ACACB: variants seen among roughly 807,000 people sequenced by gnomAD.
ACACB encodes acetyl-CoA carboxylase beta.
ACACB carries 209 observed loss-of-function variants against 278.8 expected under a neutral mutation model. The ratio of observed to expected loss-of-function variants is 0.75; its 90% CI spans 0.67 to 0.84. The LOEUF (loss-of-function observed/expected upper bound fraction) is 0.84. Ranked by LOEUF, ACACB falls within the 40% of genes least tolerant of loss-of-function variation. ACACB has a pLI of 0.00. For missense variants in ACACB, 2,850 were observed against 3,269.0 expected (o/e 0.87, Z 3.13); for synonymous variants, 1,174 against 1,285.6 (o/e 0.91, Z 1.86).
chr12:109,249,883 T>C, intron 40 of ACACB, 101 bp from the exon 41 acceptor site: 4 of 1,443,972 alleles, frequency 2.8e-6, no homozygotes, highest in Non-Finnish European at 3.7e-6. Flanking sequence ...CTGCTTCCAA[T>C]CTCTCACCTT....
chr12:109,117,037 A>C (rs1257817392), intron 1 of ACACB, among the ~76,000 whole-genome samples: 1 of 148,028 alleles, frequency 6.8e-6, no homozygotes, highest in Non-Finnish European at 1.5e-5. Flanking sequence ...TGTTTCCTCA[A>C]ATGGTTGTTC....
In ACACB at chr12:109,211,945, C is replaced by T. The variant is rs538642691; in HGVS notation, c.3250-891C>T. Among the ~76,000 whole-genome samples the T allele has an allele frequency of 9.9e-5, 15 of 152,210 alleles. No individual in the cohort carries two copies. In the East Asian group the frequency reaches 2.7e-3, roughly 27 times the overall value. On this transcript the variant is annotated intron_variant, in intron 21 of 52. Coordinates refer to ENST00000338432, the MANE Select transcript of ACACB (RefSeq NM_001093.4). The stretch of plus-strand genomic sequence containing the variant: ...TATTTTTGATGCCAAAGGCAATACA[C>T]CGATAACATTATGTGTAATGATAAA...
upstream of ACACB, among the ~76,000 whole-genome samples, chr12:109,116,000 T>A (rs760787052): frequency 2.6e-5 from 4 of 152,236 alleles, no homozygotes; most frequent in Non-Finnish European, 4.4e-5. Context: ...ATGCCAGCCC[T>A]CCCCACGTTG....
intron 13 of ACACB, among the ~76,000 whole-genome samples, chr12:109,188,764 T>G (rs1382131006): frequency 1.3e-5 from 2 of 152,174 alleles, no homozygotes; most frequent in Non-Finnish European, 2.9e-5. Flanking sequence ...TCATTTGGTC[T>G]TGAGCTTATA....
At chr12:109,129,757 G>T (rs780554517) in intron 1 of ACACB, among the ~76,000 whole-genome samples, 1 of 152,248 alleles carries the variant, frequency 6.6e-6, no homozygotes, top group Admixed American at 6.5e-5. Context: ...TGTCCTTGAT[G>T]GGGGGATCTG....
At position 109,246,428 on chromosome 12, in the gene ACACB, G is replaced by T; in HGVS notation, c.5551G>T (p.Asp1851Tyr). Residue 1851 changes from aspartate (D) to tyrosine (Y), a missense_variant, in exon 39 of 53, where the codon GAC becomes TAC. This residue lies in a region of ACACB where 2,265 missense variants were observed against 2,561.3 expected (regional missense o/e 0.88). Transcript: ENST00000338432. ...ACACATGTTCCACGTGGCTTGGGTG[G>T]ACCCAGAAGACCCCCACAAAGTACG... Reference protein sequence around the residue: ...IKHMFHVAWVDPEDPHKGFKY... With the variant: ...IKHMFHVAWVYPEDPHKGFKY... The T allele has an allele frequency of 6.2e-7, 1 of 1,611,370 alleles. No homozygotes were observed.
chr12:109,226,808 T>C (rs1164140281), intron 27 of ACACB, among the ~76,000 whole-genome samples: 1 of 151,964 alleles, frequency 6.6e-6, no homozygotes, highest in Non-Finnish European at 1.5e-5. Context: ...GCCAAGATGA[T>C]ATGTCCCACA....
chr12:109,134,552 A>G (rs1006423180), intron 1 of ACACB, among the ~76,000 whole-genome samples: 1 of 152,206 alleles, frequency 6.6e-6, no homozygotes, highest in Non-Finnish European at 1.5e-5. Flanking sequence ...CAGCTGTTTC[A>G]GGACTCGGAC....
Position 109,139,452 on chromosome 12 carries a change from C to T in ACACB, c.47C>T (p.Thr16Ile). The T allele has an allele frequency of 1.2e-6, 2 of 1,614,170 alleles. No homozygotes were observed. Among genetic ancestry groups the T allele is most frequent in the Non-Finnish European group, 1.7e-6 (2 of 1,180,034 alleles). The part of the protein sequence containing the change: ...CLSCLIFSCL[T>I]FSWLKIWGKM... ...TCTTGTCTGATTTTCTCCTGTCTGACCTTTTCCTGGTTAAAAATCTGGGGG... is the reference window on the plus strand; with the variant it reads ...TCTTGTCTGATTTTCTCCTGTCTGATCTTTTCCTGGTTAAAAATCTGGGGG... The change falls in exon 2 of 53, where the codon ACC becomes ATC. Residue 16 changes from threonine to isoleucine, a missense_variant. Thr to Ile is a moderately conservative substitution (Grantham distance 89, BLOSUM62 -1). Transcript: ENST00000338432.
At chr12:109,154,652 A>G (rs1014322560) in intron 2 of ACACB, 19 of 152,278 alleles carry the variant, frequency 1.2e-4, no homozygotes, top group African/African-American at 4.3e-4. Context: ...GGCGGGCGCG[A>G]TGGCCCGGGA....
At chr12:109,213,722 C>T (rs925800854) in intron 22 of ACACB, among the ~76,000 whole-genome samples, 14 of 152,176 alleles carry the variant, frequency 9.2e-5, no homozygotes, top group African/African-American at 2.2e-4. Flanking sequence ...CTCAGCCTCC[C>T]GAGTAGCTGG....
rs2044629171 is a variant in ACACB at position 109,185,620 on chromosome 12, G to T, written c.1860G>T (p.Arg620=). The T allele has an allele frequency of 2.5e-6, 4 of 1,613,904 alleles. No individual in the cohort carries two copies. The South Asian group carries it at 3.3e-5, about 13-fold the overall frequency. Residue 620 remains arginine, a synonymous_variant, in exon 12 of 53, where the codon CGG becomes CGT. Coordinates refer to ENST00000338432, the MANE Select transcript of ACACB (RefSeq NM_001093.4). ...GVPLHRLKDI[R]LLYGESPWGV... is the part of the protein sequence containing the mutation. ...CACTGCACCGGCTGAAGGATATCCG[G>T]CTTCTGTATGGAGAGTCACCATGGG... is the stretch of plus-strand genomic sequence containing the variant.
intron 2 of ACACB, among the ~76,000 whole-genome samples, chr12:109,145,965 C>T (rs527999779): frequency 4.1e-4 from 63 of 152,160 alleles, no homozygotes; most frequent in African/African-American, 1.3e-3. Flanking sequence ...GCCAAGACCA[C>T]GCCACTGCAC....
intron 36 of ACACB, among the ~76,000 whole-genome samples, 192 bp downstream of exon 36, chr12:109,241,473 A>G (rs1565962391): frequency 1.3e-5 from 2 of 152,210 alleles, no homozygotes; most frequent in African/African-American, 2.4e-5. Context: ...TCACTCACCT[A>G]AAAAGGAGAG....
chr12:109,248,919 G>A (rs1250980902), intron 40 of ACACB: 1 of 152,170 alleles, frequency 6.6e-6, no homozygotes, highest in Non-Finnish European at 1.5e-5. Context: ...TTGTGAATGG[G>A]TTTCCTCTGT....
intron 16 of ACACB, among the ~76,000 whole-genome samples, chr12:109,194,512 A>ATGTGTGTGTG (rs370227666): frequency 0.037 from 3,306 of 88,500 alleles, 90 homozygotes; most frequent in South Asian, 0.072. Flanking sequence ...CTGTGTGTGC[A>ATGTGTGTGTG]TGTGTGTGTG....
Position 109,265,292 on chromosome 12 carries a change from G to T in ACACB, c.7113+12G>T, listed in dbSNP as rs746128109. 13 of 1,612,272 alleles carry T rather than the reference G, an allele frequency of 8.1e-6. No individual in the cohort carries two copies. The highest frequency in any genetic ancestry group is 7.7e-5 in the South Asian group (7 of 91,010). On this transcript the variant is annotated intron_variant, in intron 51 of 52. Coordinates refer to ENST00000338432, the MANE Select transcript of ACACB (RefSeq NM_001093.4). ...AGGGGGCTGTCAAGGTGGGCCTGGG[G>T]TGAGAACGAGGCCGGTGAGCACAGG...
intron 2 of ACACB, among the ~76,000 whole-genome samples, chr12:109,163,009 C>T (rs111570492): frequency 0.054 from 8,247 of 152,186 alleles, 273 homozygotes; most frequent in Non-Finnish European, 0.072. Flanking sequence ...CTGCAACCTC[C>T]GCCTCTCAGG....
In ACACB at chr12:109,262,415, A is replaced by G; in HGVS notation, c.6733A>G (p.Ile2245Val). 6.2e-7 allele frequency: 1 copy of G among 1,613,910 alleles called. No individual in the cohort carries two copies. The highest frequency in any genetic ancestry group is 8.5e-7 in the Non-Finnish European group (1 of 1,179,934). Residue 2245 changes from isoleucine (I) to valine (V), a missense_variant, in exon 49 of 53, where the codon ATA (isoleucine) becomes GTA (valine). By Grantham distance (29) the Ile-to-Val change is conservative. Around this residue, in one of 3 missense-constraint regions of ACACB, gnomAD observed 579 missense variants for 684.6 expected, o/e 0.85. Coordinates refer to ENST00000338432, the MANE Select transcript of ACACB (RefSeq NM_001093.4). ...VEIKFRKKDL[I>V]KSMRRIDPAY... ...GATTAAGTTCCGAAAGAAAGATCTG[A>G]TAAAGTCCATGAGAAGGATCGATCC...
Sources: gnomAD v4.1 joint callset for allele counts (sites outside exome capture counted in the v4.1 genomes callset) on GRCh38, gnomAD v4.1.1 for gene constraint, gnomAD v4.1.1 regional missense constraint, MANE v1.5 for transcripts, NCBI Gene and HGNC (gene_info 2026-07-23, HGNC 2026-07-21) for gene names.